Variants in EPHA3 observed in about 807,000 individuals in gnomAD.
EPHA3 encodes ephrin type-A receptor 3.
In EPHA3, 42 loss-of-function variants were observed where a neutral mutation model predicts 107.1. The ratio of observed to expected loss-of-function variants is 0.39; its 90% CI spans 0.31 to 0.51. EPHA3 has a LOEUF of 0.51. Among genes scored for constraint, EPHA3 ranks in the 20% least tolerant of loss-of-function variants. EPHA3 has a pLI of 0.78. For missense variants in EPHA3, 1,183 were observed against 1,211.2 expected, an observed-to-expected ratio of 0.98 and a Z score of 0.35; for synonymous variants, 461 against 424.8, an observed-to-expected ratio of 1.09 and a Z score of -1.05.
chr3:89,479,265 A>G (rs1354851729), intron 16 of EPHA3, 132 bp from the exon 17 acceptor site: 1 of 711,684 alleles, frequency 1.4e-6, no homozygotes, highest in African/African-American at 1.8e-5. Context: ...GACATAACAC[A>G]GATGATGCAA....
intron 3 of EPHA3, among the ~76,000 whole-genome samples, chr3:89,235,187 G>A (rs1230617620): frequency 6.6e-6 from 1 of 151,832 alleles, no homozygotes; most frequent in African/African-American, 2.4e-5. Flanking sequence ...GTCCCAAAGT[G>A]CTGGGATTAC....
chr3:89,441,116 A>G (rs956001359), intron 13 of EPHA3, among the ~76,000 whole-genome samples: 7 of 152,346 alleles, frequency 4.6e-5, no homozygotes, highest in South Asian at 2.1e-4. Flanking sequence ...AAAATTAAAC[A>G]GGAAGGTCAA....
rs1233330567 is a variant in EPHA3, at chr3:89,107,849, C to A, written c.88+13C>A. Reference sequence around the variant, plus strand: ...CCTTCCAATGAAGGTAAGCCAGGTACCGCGACGCACGGAGCTCTGCCCCGC... The same window carrying A: ...CCTTCCAATGAAGGTAAGCCAGGTAACGCGACGCACGGAGCTCTGCCCCGC... On this transcript the variant is annotated intron_variant, in intron 1 of 16. Transcript: ENST00000336596. The A allele has an allele frequency of 6.2e-7, 1 of 1,612,892 alleles. No homozygotes were observed. The highest frequency in any genetic ancestry group is 1.7e-5 in the Admixed American group (1 of 60,022).
intron 10 of EPHA3, among the ~76,000 whole-genome samples, chr3:89,413,789 CT>C (rs1166291704): frequency 6.6e-6 from 1 of 151,422 alleles, no homozygotes; most frequent in Non-Finnish European, 1.5e-5. Flanking sequence ...TGTGTTAAAG[CT>C]TTTTTTAATA....
chr3:89,155,834 A>G (rs1277594412), intron 2 of EPHA3, among the ~76,000 whole-genome samples: 1 of 152,026 alleles, frequency 6.6e-6, no homozygotes, highest in East Asian at 1.9e-4. Flanking sequence ...AAAACATTGA[A>G]CAGATTCATG....
At chr3:89,383,634 T>TTCTTC (rs1708553207) in intron 5 of EPHA3, among the ~76,000 whole-genome samples, 1 of 144,912 alleles carries the variant, frequency 6.9e-6, no homozygotes, top group African/African-American at 2.6e-5. Flanking sequence ...AGCCTACTTC[T>TTCTTC]TCTTCTTTTT....
Position 89,450,366 on chromosome 3 carries a change from G to A in EPHA3, c.2686G>A (p.Ala896Thr), listed in dbSNP as rs773476878. Residue 896 changes from alanine (A) to threonine (T), a missense_variant, in exon 15 of 17, where the codon GCA (alanine) becomes ACA (threonine). Transcript: ENST00000336596. ...CCTGAAGATCATCACCAGTGCAGCC[G>A]CAAGGTGACACATTCAATTTGTTAT... ...GSLKIITSAAARPSNLLLDQS... is the reference protein window; with the variant it reads ...GSLKIITSAATRPSNLLLDQS... 3.1e-6 allele frequency: 5 copies of A among 1,609,194 alleles called. No homozygotes were observed. The highest frequency in any genetic ancestry group is 2.2e-5 in the East Asian group (1 of 44,718).
intron 7 of EPHA3, among the ~76,000 whole-genome samples, chr3:89,403,987 T>C (rs983808307): frequency 1.3e-5 from 2 of 152,162 alleles, no homozygotes; most frequent in Non-Finnish European, 2.9e-5. Flanking sequence ...AGAATAACAA[T>C]CTGTGGAATA....
chr3:89,439,895 G>GT (rs1291440356), intron 13 of EPHA3, among the ~76,000 whole-genome samples: 1 of 152,056 alleles, frequency 6.6e-6, no homozygotes, highest in East Asian at 1.9e-4. Context: ...TTATGAGTTT[G>GT]TTTTTTATTT....
chr3:89,308,222 A>G (rs1187009178), intron 3 of EPHA3, among the ~76,000 whole-genome samples: 2 of 152,206 alleles, frequency 1.3e-5, no homozygotes, highest in Non-Finnish European at 2.9e-5. Context: ...AAGAGTACGA[A>G]AAAATCCTAC....
At chr3:89,437,341 G>C (rs1343747768) in intron 13 of EPHA3, among the ~76,000 whole-genome samples, 1 of 151,792 alleles carries the variant, frequency 6.6e-6, no homozygotes. Context: ...AAATCATCTT[G>C]AAAGTCCCTG....
chr3:89,350,703 G>T (rs2107440838), intron 5 of EPHA3, among the ~76,000 whole-genome samples: 2 of 151,138 alleles, frequency 1.3e-5, no homozygotes, highest in South Asian at 4.2e-4. Flanking sequence ...CTGCGTTTTA[G>T]AGTTTCCAGT....
chr3:89,393,000 G>A (rs1191235036), intron 5 of EPHA3, among the ~76,000 whole-genome samples: 1 of 151,718 alleles, frequency 6.6e-6, no homozygotes, highest in Non-Finnish European at 1.5e-5. Context: ...ATTTATCAGG[G>A]GAAAGAAAAA....
At chr3:89,383,639 C>CTTTTTTTTTTTT (rs71621546) in intron 5 of EPHA3, among the ~76,000 whole-genome samples, 1 of 87,962 alleles carries the variant, frequency 1.1e-5, no homozygotes, top group Non-Finnish European at 2.3e-5. Flanking sequence ...ACTTCTTCTT[C>CTTTTTTTTTTTT]TTTTTTTTTT....
chr3:89,174,330 A>C (rs1286093319), intron 2 of EPHA3, among the ~76,000 whole-genome samples: 2 of 152,016 alleles, frequency 1.3e-5, no homozygotes, highest in African/African-American at 2.4e-5. Flanking sequence ...ATCATCCACG[A>C]GTAATCTGAA....
chr3:89,231,550 A>G (rs1704635449), intron 3 of EPHA3, among the ~76,000 whole-genome samples: 1 of 152,082 alleles, frequency 6.6e-6, no homozygotes, highest in South Asian at 2.1e-4. Flanking sequence ...TGCGTTTTGG[A>G]CAATATAGAA....
At chr3:89,449,618 G>A (rs560573847) in intron 14 of EPHA3, among the ~76,000 whole-genome samples, 108 of 152,228 alleles carry the variant, frequency 7.1e-4, no homozygotes, top group South Asian at 1.2e-3. Context: ...TAGTGAAAAC[G>A]TAATGAAAAA....
chr3:89,217,910 A>T (rs1704256424), intron 3 of EPHA3, among the ~76,000 whole-genome samples: 1 of 152,214 alleles, frequency 6.6e-6, no homozygotes, highest in South Asian at 2.1e-4. Context: ...TATATAAATA[A>T]TTGGTAAGGA....
At chr3:89,435,459 A>G (rs563295670) in intron 13 of EPHA3, among the ~76,000 whole-genome samples, 49 of 145,008 alleles carry the variant, frequency 3.4e-4, no homozygotes, top group African/African-American at 1.2e-3. Flanking sequence ...ATATATATAA[A>G]TATATATTTA....
Sources: gnomAD v4.1 joint callset for allele counts (sites outside exome capture counted in the v4.1 genomes callset) on GRCh38, gnomAD v4.1.1 for gene constraint, MANE v1.5 for transcripts, NCBI Gene and HGNC (gene_info 2026-07-23, HGNC 2026-07-21) for gene names.